The following ACBD3 variants were observed in gnomAD, a reference collection of about 807,000 sequenced individuals.
ACBD3 encodes acyl-CoA binding domain containing 3, also known as Golgi resident protein GCP60.
A neutral mutation model predicts 66.9 loss-of-function variants in ACBD3; 30 were observed. That is an observed-to-expected ratio of 0.45 (90% confidence interval 0.34 to 0.61). The LOEUF (loss-of-function observed/expected upper bound fraction) is 0.61. ACBD3 is among the 20% of genes least tolerant of loss of function. The pLI is 0.02. For synonymous variants in ACBD3, 278 were observed against 259.8 expected (o/e 1.07, Z -0.68); for missense variants, 544 against 664.5 (o/e 0.82, Z 1.99).
At chr1:226,152,239 T>TA in intron 7 of ACBD3, 96 bp downstream of exon 7, 1 of 1,465,700 alleles carries the variant, frequency 6.8e-7, no homozygotes, top group Non-Finnish European at 9.3e-7. Flanking sequence ...CATGAAGTGT[T>TA]AGTCAGGAAG....
In ACBD3 at chr1:226,186,568, C is replaced by T. The variant is rs749628286; in HGVS notation, c.108G>A (p.Pro36=). 4 of 1,362,466 alleles carry T rather than the reference C, an allele frequency of 2.9e-6. No homozygotes were observed. The highest frequency in any genetic ancestry group is 2.8e-6 in the Non-Finnish European group (3 of 1,062,946). 84.4% of individuals were successfully genotyped at this position (1,362,466 alleles called of 1,614,324 possible). ...GTGGCGAGGGCGGTGGCAGCGGTGG[C>T]GGCAGCAGCGGGGCGCCCTCCGCCC... ...RPGAEGAPLL[P]PPLPPPSPPG... is the part of the protein sequence containing the mutation. The change falls in exon 1 of 8, where the codon CCG becomes CCA. Residue 36 remains proline, a synonymous_variant. Transcript: ENST00000366812.
chr1:226,149,284 T>C (rs1193626387), intron 7 of ACBD3, among the ~76,000 whole-genome samples: 4 of 151,490 alleles, frequency 2.6e-5, no homozygotes, highest in Non-Finnish European at 5.9e-5. Flanking sequence ...TGGAGTGCAA[T>C]GGCACGATCT....
intron 1 of ACBD3, among the ~76,000 whole-genome samples, chr1:226,184,459 G>C (rs1434915257): frequency 6.6e-6 from 1 of 152,136 alleles, no homozygotes; most frequent in Non-Finnish European, 1.5e-5. Context: ...CTAACACCTA[G>C]GCCCCAAGTT....
chr1:226,152,705 T>G (rs2102775485), intron 6 of ACBD3, 86 bp from the exon 7 acceptor site: 1 of 1,318,316 alleles, frequency 7.6e-7, no homozygotes, highest in African/African-American at 1.5e-5. Flanking sequence ...CCTGATCAGT[T>G]GTACTCAGGC....
At chr1:226,185,565 T>C (rs539483768) in intron 1 of ACBD3, among the ~76,000 whole-genome samples, 144 of 151,704 alleles carry the variant, frequency 9.5e-4, no homozygotes, top group African/African-American at 3.4e-3. Context: ...TTTTTCCCAC[T>C]GACAAAAATC....
At chr1:226,153,037 C>T (rs1047133535) in intron 6 of ACBD3, among the ~76,000 whole-genome samples, 1 of 152,228 alleles carries the variant, frequency 6.6e-6, no homozygotes, top group African/African-American at 2.4e-5. Flanking sequence ...TTCAGCCTGT[C>T]TGTTGAAAAA....
At chr1:226,174,275 TTAA>T (rs1655969030) in intron 1 of ACBD3, among the ~76,000 whole-genome samples, 1 of 152,174 alleles carries the variant, frequency 6.6e-6, no homozygotes, top group South Asian at 2.1e-4. Flanking sequence ...TCATTAATTA[TTAA>T]TATTACAAAG....
chr1:226,184,861 C>T (rs890064180), intron 1 of ACBD3, among the ~76,000 whole-genome samples: 29 of 148,832 alleles, frequency 1.9e-4, no homozygotes, highest in African/African-American at 6.7e-4. Flanking sequence ...TACAATGGTG[C>T]CATCTTGGCT....
chr1:226,155,279 T>A (rs1282840925), intron 5 of ACBD3, among the ~76,000 whole-genome samples: 3 of 152,068 alleles, frequency 2.0e-5, no homozygotes, highest in Non-Finnish European at 4.4e-5. Context: ...TAGCTGGGCA[T>A]GGCAGCACAC....
intron 2 of ACBD3, among the ~76,000 whole-genome samples, chr1:226,165,457 T>A (rs1010637286): frequency 3.3e-5 from 5 of 152,138 alleles, no homozygotes; most frequent in African/African-American, 1.2e-4. Flanking sequence ...AGGCATGAAC[T>A]GCCGCACCTG....
chr1:226,184,305 A>G (rs1656243445), intron 1 of ACBD3, among the ~76,000 whole-genome samples: 1 of 152,244 alleles, frequency 6.6e-6, no homozygotes, highest in Non-Finnish European at 1.5e-5. Flanking sequence ...ATATACTAAC[A>G]GTCTCCAATG....
intron 1 of ACBD3, among the ~76,000 whole-genome samples, chr1:226,176,296 G>A (rs1186382620): frequency 1.3e-5 from 2 of 152,070 alleles, no homozygotes; most frequent in Non-Finnish European, 2.9e-5. Flanking sequence ...CATGGTGCAC[G>A]TGCCTGTATT....
intron 3 of ACBD3, among the ~76,000 whole-genome samples, chr1:226,163,522 T>A (rs992263264): frequency 2.0e-5 from 3 of 152,158 alleles, no homozygotes; most frequent in Non-Finnish European, 2.9e-5. Flanking sequence ...TTTCTTTGGA[T>A]AAATATCTTC....
rs1659430525 is a variant in ACBD3 at position 226,145,530 on chromosome 1, A to G, written c.*1080T>C. The G allele has an allele frequency of 6.6e-6, 1 of 152,634 alleles. No individual in the cohort carries two copies. The highest frequency in any genetic ancestry group is 1.5e-5 in the Non-Finnish European group (1 of 68,018). 9.5% of individuals were successfully genotyped at this position (152,634 alleles called of 1,614,324 possible). ...AAAAAAAGATGTACCTCTTCCCGTCAATAAAGAAATAACACAAATTAAAGC... is the reference window on the plus strand; with the variant it reads ...AAAAAAAGATGTACCTCTTCCCGTCGATAAAGAAATAACACAAATTAAAGC... On this transcript the variant is annotated 3_prime_UTR_variant, in exon 8 of 8. Transcript: ENST00000366812.
intron 5 of ACBD3, 93 bp downstream of exon 5, chr1:226,159,091 G>C (rs1659724868): frequency 6.9e-7 from 1 of 1,448,932 alleles, no homozygotes; most frequent in Admixed American, 1.9e-5. Context: ...GCTAACTAAT[G>C]CAAAATTCAT....
Position 226,186,483 on chromosome 1 carries a change from C to A in ACBD3, c.193G>T (p.Ala65Ser). 1.3e-6 allele frequency: 2 copies of A among 1,489,974 alleles called. No individual in the cohort carries two copies. Among genetic ancestry groups the A allele is most frequent in the Non-Finnish European group, 1.8e-6 (2 of 1,122,118 alleles). 92.3% of individuals were successfully genotyped at this position (1,489,974 alleles called of 1,614,324 possible). A position where few individuals can be genotyped will look rare whatever the true frequency, so the allele number is the denominator to read the frequency against. The change falls in exon 1 of 8, where the codon GCT becomes TCT. Residue 65 changes from alanine to serine, a missense_variant. This residue lies in a region of ACBD3 where 137 missense variants were observed against 145.9 expected (regional missense o/e 0.94). Coordinates refer to ENST00000366812, the MANE Select transcript of ACBD3 (RefSeq NM_022735.4). ...GEQPEPGEAA[A>S]GGAAEEARRL... ...CGCGCCTCCTCCGCCGCGCCCCCAG[C>A]CGCCGCCTCCCCGGGCTCGGGCTGC...
intron 1 of ACBD3, among the ~76,000 whole-genome samples, chr1:226,167,763 T>A (rs1659902658): frequency 6.6e-6 from 1 of 152,104 alleles, no homozygotes; most frequent in Admixed American, 6.6e-5. Context: ...GAATATGGGT[T>A]AAAGAACAGC....
chr1:226,184,172 GAC>G (rs1356862392), intron 1 of ACBD3, among the ~76,000 whole-genome samples: 6 of 152,050 alleles, frequency 3.9e-5, no homozygotes, highest in Admixed American at 6.6e-5. Context: ...CAGCCTGGGC[GAC>G]AGAGTGAGAC....
chr1:226,163,153 CAAGAAGG>C (rs1164687715), intron 3 of ACBD3, among the ~76,000 whole-genome samples: 1 of 152,098 alleles, frequency 6.6e-6, no homozygotes, highest in Non-Finnish European at 1.5e-5. Context: ...TGGTACAGAG[CAAGAAGG>C]TTCACAAGCC....
Sources: allele counts gnomAD v4.1 joint callset (sites outside exome capture counted in the v4.1 genomes callset), GRCh38; gene constraint gnomAD v4.1.1; regional missense constraint gnomAD v4.1.1; transcripts MANE v1.5; gene names NCBI Gene and HGNC (gene_info 2026-07-23, HGNC 2026-07-21).